UGT8: variants seen among roughly 807,000 people sequenced by gnomAD.
UGT8 encodes 2-hydroxyacylsphingosine 1-beta-galactosyltransferase.
Under a neutral mutation model 40.5 loss-of-function variants are expected in UGT8, and 12 were observed. The observed-to-expected ratio is 0.30, with a 90% CI of 0.19 to 0.48. The LOEUF (loss-of-function observed/expected upper bound fraction) is 0.48. UGT8 is among the 20% of genes least tolerant of loss of function. The probability of loss-of-function intolerance (pLI) is 0.99; values close to 1 mark genes in which losing one functional copy is unlikely to be tolerated. For missense variants in UGT8, 513 were observed against 648.7 expected, an observed-to-expected ratio of 0.79 and a Z score of 2.27; for synonymous variants, 224 against 240.4, an observed-to-expected ratio of 0.93 and a Z score of 0.63.
intron 2 of UGT8, among the ~76,000 whole-genome samples, chr4:114,658,518 T>G (rs1043237174): frequency 2.4e-4 from 36 of 152,184 alleles, no homozygotes; most frequent in African/African-American, 8.4e-4. Context: ...TCCCCACACC[T>G]CAGACCTGTT....
intron 2 of UGT8, among the ~76,000 whole-genome samples, chr4:114,659,044 A>G (rs191155313): frequency 2.6e-4 from 40 of 152,224 alleles, no homozygotes; most frequent in African/African-American, 7.9e-4. Context: ...GCCCCTCACT[A>G]CATTCTTCCT....
At chr4:114,642,358 A>G (rs1733278071) in intron 2 of UGT8, among the ~76,000 whole-genome samples, 2 of 152,154 alleles carry the variant, frequency 1.3e-5, no homozygotes, top group African/African-American at 4.8e-5. Context: ...ATTTTCTGCC[A>G]TGCTCAGCAC....
intron 2 of UGT8, among the ~76,000 whole-genome samples, chr4:114,650,061 C>T (rs1052315924): frequency 5.9e-5 from 9 of 152,158 alleles, no homozygotes; most frequent in Non-Finnish European, 1.3e-4. Context: ...ACCCTGAGCT[C>T]ACATGGCGAT....
chr4:114,603,653 C>A (rs1168302569), intron 1 of UGT8, among the ~76,000 whole-genome samples: 2 of 152,114 alleles, frequency 1.3e-5, no homozygotes, highest in Non-Finnish European at 2.9e-5. Context: ...TTCCCACCCC[C>A]TCTCGAGCCC....
At chr4:114,610,610 A>G (rs1451683921) in intron 1 of UGT8, among the ~76,000 whole-genome samples, 2 of 152,182 alleles carry the variant, frequency 1.3e-5, no homozygotes, top group African/African-American at 4.8e-5. Flanking sequence ...GGGGATTAAG[A>G]TAACTTCTGT....
intron 2 of UGT8, among the ~76,000 whole-genome samples, chr4:114,660,631 G>C (rs1734458790): frequency 6.6e-6 from 1 of 152,070 alleles, no homozygotes; most frequent in South Asian, 2.1e-4. Context: ...GGTGGCTTGT[G>C]CTTGTAATCA....
Position 114,623,475 on chromosome 4 carries a change from G to A in UGT8, c.595G>A (p.Val199Ile). 1 of 1,614,182 alleles carries A rather than the reference G, an allele frequency of 6.2e-7. No individual in the cohort carries two copies. The highest frequency in any genetic ancestry group is 1.1e-5 in the South Asian group (1 of 91,078). ...GCTGCAAAGGATGAAAAATACCGGTGTTTACCTCATTTCCAGATTAGGGGT... is the reference window on the plus strand; with the variant it reads ...GCTGCAAAGGATGAAAAATACCGGTATTTACCTCATTTCCAGATTAGGGGT... ...NLLQRMKNTG[V>I]YLISRLGVSF... is the part of the protein sequence containing the mutation. The change falls in exon 2 of 6, where the codon GTT (valine) becomes ATT (isoleucine). Residue 199 changes from valine to isoleucine, a missense_variant. By Grantham distance (29) the Val-to-Ile change is conservative. Around this residue, in one of 3 missense-constraint regions of UGT8, gnomAD observed 335 missense variants for 444.8 expected, o/e 0.75. Transcript: ENST00000310836.
intron 2 of UGT8, among the ~76,000 whole-genome samples, chr4:114,639,910 A>T (rs1297509311): frequency 6.6e-6 from 1 of 152,136 alleles, no homozygotes; most frequent in Non-Finnish European, 1.5e-5. Context: ...AGGATGATGG[A>T]TGCCTTATTG....
intron 3 of UGT8, chr4:114,665,272 T>C (rs1174022907): frequency 2.0e-6 from 1 of 500,704 alleles, no homozygotes; most frequent in Non-Finnish European, 2.6e-6. Context: ...CTCAGGGTGT[T>C]AAGGATTTAG....
chr4:114,664,454 A>G, intron 3 of UGT8, among the ~76,000 whole-genome samples: 1 of 152,322 alleles, frequency 6.6e-6, no homozygotes, highest in African/African-American at 2.4e-5. Context: ...TTATGATTTT[A>G]AAAATTAGTT....
intron 1 of UGT8, among the ~76,000 whole-genome samples, chr4:114,612,322 G>T (rs1407411809): frequency 1.3e-5 from 2 of 152,062 alleles, no homozygotes; most frequent in Non-Finnish European, 2.9e-5. Context: ...AGGGAATAAA[G>T]GGGAGGAGGG....
intron 1 of UGT8, among the ~76,000 whole-genome samples, chr4:114,611,339 C>A (rs1393441383): frequency 6.8e-6 from 1 of 147,666 alleles, no homozygotes; most frequent in Non-Finnish European, 1.5e-5. Flanking sequence ...CCAGGCTAGT[C>A]TTGGGGAATT....
At chr4:114,614,286 C>G (rs879492823) in intron 1 of UGT8, among the ~76,000 whole-genome samples, 4 of 152,150 alleles carry the variant, frequency 2.6e-5, no homozygotes, top group Non-Finnish European at 4.4e-5. Context: ...TCTCTTGGCA[C>G]TCATGAATGT....
At chr4:114,637,260 A>G (rs529106636) in intron 2 of UGT8, among the ~76,000 whole-genome samples, 30 of 152,262 alleles carry the variant, frequency 2.0e-4, no homozygotes, top group African/African-American at 6.5e-4. Flanking sequence ...GAGTTCTACA[A>G]TGCTACAGTG....
intron 2 of UGT8, among the ~76,000 whole-genome samples, chr4:114,643,270 A>G (rs1156883762): frequency 6.6e-6 from 1 of 152,190 alleles, no homozygotes; most frequent in Non-Finnish European, 1.5e-5. Flanking sequence ...ACAGAAGTTT[A>G]AATTTTAATA....
At position 114,623,326 on chromosome 4, in the gene UGT8, A is replaced by G; in HGVS notation, c.446A>G (p.His149Arg). 1 of 1,614,146 alleles carries G rather than the reference A, an allele frequency of 6.2e-7. No individual in the cohort carries two copies. Among genetic ancestry groups the G allele is most frequent in the South Asian group, 1.1e-5 (1 of 91,084 alleles). The change falls in exon 2 of 6, where the codon CAT becomes CGT. Residue 149 changes from histidine to arginine, a missense_variant. His to Arg is a conservative substitution (Grantham distance 29). This residue lies in a region of UGT8 where 335 missense variants were observed against 444.8 expected (regional missense o/e 0.75). Coordinates refer to ENST00000310836, the MANE Select transcript of UGT8 (RefSeq NM_001128174.3). ...PNDMCGFVIAHLLGVKYAVFS... is the reference protein window; with the variant it reads ...PNDMCGFVIARLLGVKYAVFS... ...GATATGTGTGGATTTGTGATAGCTC[A>G]TCTTTTAGGGGTTAAATATGCTGTA...
At chr4:114,665,795 G>GT in intron 4 of UGT8, 39 bp downstream of exon 4, 3 of 1,507,600 alleles carry the variant, frequency 2.0e-6, no homozygotes, top group Non-Finnish European at 2.7e-6. Context: ...TGGCTGTTAG[G>GT]TTTTAATTAC....
chr4:114,625,904 T>C (rs954973297), intron 2 of UGT8, among the ~76,000 whole-genome samples: 4 of 152,240 alleles, frequency 2.6e-5, no homozygotes, highest in Non-Finnish European at 4.4e-5. Flanking sequence ...CTTTTTCCTC[T>C]GGGCTATTTG....
intron 1 of UGT8, among the ~76,000 whole-genome samples, chr4:114,620,152 C>T (rs1186765576): frequency 6.6e-6 from 1 of 152,076 alleles, no homozygotes; most frequent in East Asian, 1.9e-4. Flanking sequence ...TCTCTATGAT[C>T]ATTTTTGTTT....
Sources: allele counts gnomAD v4.1 joint callset (sites outside exome capture counted in the v4.1 genomes callset), GRCh38; gene constraint gnomAD v4.1.1; regional missense constraint gnomAD v4.1.1; transcripts MANE v1.5; gene names NCBI Gene and HGNC (gene_info 2026-07-23, HGNC 2026-07-21).